CHN2: variants seen among roughly 807,000 people sequenced by gnomAD.
The protein encoded by CHN2 is chimerin 2, also known as beta-chimaerin.
In CHN2, 35 loss-of-function variants were observed where a neutral mutation model predicts 56.3. That is an observed-to-expected ratio of 0.62 (90% CI 0.47 to 0.82). CHN2 has a LOEUF of 0.82. Among genes scored for constraint, CHN2 ranks in the 40% least tolerant of loss-of-function variants. CHN2 has a pLI of 0.00. For missense variants in CHN2, 491 were observed against 580.5 expected, an observed-to-expected ratio of 0.85 and a Z score of 1.58; for synonymous variants, 210 against 212.8, an observed-to-expected ratio of 0.99 and a Z score of 0.12.
intron 6 of CHN2, among the ~76,000 whole-genome samples, chr7:29,420,771 A>G (rs1163384146): frequency 1.3e-5 from 2 of 152,094 alleles, no homozygotes; most frequent in Non-Finnish European, 2.9e-5. Context: ...AACAGTTAAG[A>G]TGATAAATTT....
At position 29,506,416 on chromosome 7, in the gene CHN2, T is replaced by C. The variant is rs558618232; in HGVS notation, c.992-812T>C. Among the ~76,000 whole-genome samples, 4 of 152,226 alleles carry C rather than the reference T, an allele frequency of 2.6e-5. No homozygotes were observed. In the South Asian group the frequency reaches 8.3e-4, roughly 32 times the overall value. On this transcript the variant is annotated intron_variant, in intron 10 of 12. Coordinates refer to ENST00000222792, the MANE Select transcript of CHN2 (RefSeq NM_004067.4). ...ATTTTGGGAGGCTGAGACAGGTGGA[T>C]CACTTGAGGTAGGAGTTCGAGACCA...
intron 1 of CHN2, among the ~76,000 whole-genome samples, chr7:29,291,794 C>G (rs984359544): frequency 2.0e-5 from 3 of 152,136 alleles, no homozygotes; most frequent in Non-Finnish European, 4.4e-5. Context: ...TGCCACGATT[C>G]TTACATGAAT....
intron 1 of CHN2, among the ~76,000 whole-genome samples, chr7:29,269,470 G>T (rs1253893224): frequency 1.3e-5 from 2 of 152,122 alleles, no homozygotes; most frequent in African/African-American, 4.8e-5. Context: ...CACTTAGGTT[G>T]ACTCCATATC....
At chr7:29,297,283 C>T (rs1793242323) in intron 1 of CHN2, among the ~76,000 whole-genome samples, 1 of 152,170 alleles carries the variant, frequency 6.6e-6, no homozygotes, top group Non-Finnish European at 1.5e-5. Flanking sequence ...CCCCCATTCT[C>T]CTAGTGTTCT....
chr7:29,365,060 A>G (rs955127483), intron 2 of CHN2, among the ~76,000 whole-genome samples: 2 of 152,210 alleles, frequency 1.3e-5, no homozygotes, highest in African/African-American at 4.8e-5. Context: ...GTTCCAGGTC[A>G]GTGCATAGAG....
At chr7:29,435,910 C>T (rs73687431) in intron 6 of CHN2, among the ~76,000 whole-genome samples, 13,308 of 94,790 alleles carry the variant, frequency 0.14, 515 homozygotes, top group Middle Eastern at 0.19. Flanking sequence ...TTTTTTTTTT[C>T]TTTTTTCATG....
At chr7:29,446,756 G>A (rs1236600765) in intron 6 of CHN2, among the ~76,000 whole-genome samples, 1 of 152,192 alleles carries the variant, frequency 6.6e-6, no homozygotes, top group Non-Finnish European at 1.5e-5. Context: ...CAAAACTAGC[G>A]AGGCTAGGAA....
intron 6 of CHN2, among the ~76,000 whole-genome samples, chr7:29,454,937 G>A (rs1784643182): frequency 6.6e-6 from 1 of 150,806 alleles, no homozygotes; most frequent in Non-Finnish European, 1.5e-5. Flanking sequence ...AAATTATATT[G>A]TAAACAACCC....
chr7:29,398,615 AGGGGGG>A, intron 5 of CHN2, 129 bp downstream of exon 5: 1 of 631,118 alleles, frequency 1.6e-6, no homozygotes, highest in Admixed American at 2.4e-5. Flanking sequence ...TTATGTTATG[AGGGGGG>A]GGTCCCACTC....
At chr7:29,303,343 T>C (rs1793865638) in intron 1 of CHN2, among the ~76,000 whole-genome samples, 1 of 152,218 alleles carries the variant, frequency 6.6e-6, no homozygotes, top group Non-Finnish European at 1.5e-5. Context: ...CATTCACCTG[T>C]TCTTGTGATG....
At chr7:29,444,289 GCATAA>G (rs1229617813) in intron 6 of CHN2, among the ~76,000 whole-genome samples, 1 of 152,160 alleles carries the variant, frequency 6.6e-6, no homozygotes. Context: ...ATCTATGGCT[GCATAA>G]CAAATTACCC....
At chr7:29,229,262 T>C (rs1407778070) in intron 1 of CHN2, among the ~76,000 whole-genome samples, 1 of 152,198 alleles carries the variant, frequency 6.6e-6, no homozygotes, top group East Asian at 1.9e-4. Context: ...CTAAAAATAC[T>C]TCCCATTGGC....
intron 10 of CHN2, among the ~76,000 whole-genome samples, chr7:29,505,371 T>C (rs1790449822): frequency 6.6e-6 from 1 of 152,216 alleles, no homozygotes; most frequent in Admixed American, 6.5e-5. Context: ...CAAATAATTC[T>C]GGTACAGCCA....
chr7:29,354,673 T>C lies in CHN2; in HGVS notation c.88+10T>C. The C allele has an allele frequency of 3.1e-6, 5 of 1,611,778 alleles. No individual in the cohort carries two copies. The highest frequency in any genetic ancestry group is 4.2e-6 in the Non-Finnish European group (5 of 1,178,484). On this transcript the variant is annotated intron_variant, in intron 2 of 12. Coordinates refer to ENST00000222792, the MANE Select transcript of CHN2 (RefSeq NM_004067.4). ...ATATGGAAATCATACTGTGAGTACC[T>C]GAAATGAAAATCTCCCCAGAAGTCG...
At chr7:29,254,761 C>T (rs1484900026) in intron 1 of CHN2, among the ~76,000 whole-genome samples, 7 of 152,138 alleles carry the variant, frequency 4.6e-5, no homozygotes, top group African/African-American at 7.2e-5. Flanking sequence ...TGCTTGGCAC[C>T]GTCTCCTTTC....
At chr7:29,184,190 T>C (rs538625372) in intron 2 of CHN2, among the ~76,000 whole-genome samples, 21 of 141,208 alleles carry the variant, frequency 1.5e-4, no homozygotes, top group Admixed American at 5.5e-4. Flanking sequence ...GATAGATAGA[T>C]AGATAGATAA....
intron 1 of CHN2, among the ~76,000 whole-genome samples, chr7:29,220,717 A>G (rs1333373037): frequency 3.3e-5 from 5 of 152,210 alleles, no homozygotes; most frequent in African/African-American, 1.2e-4. Context: ...AATTCTTCCA[A>G]ATGTTTATGG....
intron 6 of CHN2, among the ~76,000 whole-genome samples, chr7:29,463,043 G>A (rs931025051): frequency 3.3e-5 from 5 of 151,074 alleles, no homozygotes; most frequent in African/African-American, 1.2e-4. Context: ...AGAAAACCCC[G>A]CATCCCCAGT....
Position 29,442,020 on chromosome 7 carries a change from A to C in CHN2, c.577-38259A>C, listed in dbSNP as rs561215490. Among the ~76,000 whole-genome samples the C allele has an allele frequency of 6.6e-5, 10 of 152,360 alleles. No individual in the cohort carries two copies. In the East Asian group the frequency reaches 1.3e-3, roughly 21 times the overall value. ...ACTACCCATGGTAGCCAAAAGATAG[A>C]AACCTGCCAAATGTCCATCAACACA... On this transcript the variant is annotated intron_variant, in intron 6 of 12. Coordinates refer to ENST00000222792, the MANE Select transcript of CHN2 (RefSeq NM_004067.4).
Sources: gnomAD v4.1 joint callset for allele counts (sites outside exome capture counted in the v4.1 genomes callset) on GRCh38, gnomAD v4.1.1 for gene constraint, MANE v1.5 for transcripts, NCBI Gene and HGNC (gene_info 2026-07-23, HGNC 2026-07-21) for gene names.